The following ADA variants were observed in gnomAD, a reference collection of about 807,000 sequenced individuals.
The protein encoded by ADA is adenosine aminohydrolase.
In ADA, 45 loss-of-function variants were observed where a neutral mutation model predicts 49.0. That is an observed-to-expected ratio of 0.92 (90% CI 0.72 to 1.18). The LOEUF is 1.18. Among genes scored for constraint, ADA ranks in the 50% most tolerant of loss-of-function variants. The probability of loss-of-function intolerance (pLI) is 0.00; values close to 1 mark genes in which losing one functional copy is unlikely to be tolerated. For missense variants in ADA, 445 were observed against 472.5 expected (o/e 0.94, Z 0.54); for synonymous variants, 173 against 184.2 (o/e 0.94, Z 0.49).
At chr20:44,640,345 C>T (rs1024964396) in intron 1 of ADA, among the ~76,000 whole-genome samples, 2 of 150,994 alleles carry the variant, frequency 1.3e-5, no homozygotes, top group Admixed American at 6.6e-5. Context: ...ACCTGGGAGG[C>T]GGAGGTTGCA....
chr20:44,636,110 G>T (rs146042949), intron 2 of ADA, 117 bp downstream of exon 2: 7 of 1,007,714 alleles, frequency 6.9e-6, no homozygotes, highest in Non-Finnish European at 1.1e-5. Flanking sequence ...GAGCTGGCTT[G>T]ATTCCCACAG....
chr20:44,634,967 C>T lies in ADA; in HGVS notation c.95+1260G>A, dbSNP rs143544287. Among the ~76,000 whole-genome samples, 3 of 152,372 alleles carry T rather than the reference C, an allele frequency of 2.0e-5. No individual in the cohort carries two copies. The East Asian group carries it at 5.8e-4, about 29-fold the overall frequency. On this transcript the variant is annotated intron_variant, in intron 2 of 11. Coordinates refer to ENST00000372874, the MANE Select transcript of ADA (RefSeq NM_000022.4). ...GTGTTGTGCAAACATCCGAGGAACA[C>T]AGGTCTGCGGGGGCAGGGCTGGGTG...
intron 5 of ADA, 72 bp from the exon 6 acceptor site, chr20:44,624,401 G>T: frequency 6.2e-7 from 1 of 1,602,906 alleles, no homozygotes; most frequent in Admixed American, 1.7e-5. Flanking sequence ...CCTGCCTGCT[G>T]TCCCACCCAA....
At position 44,629,037 on chromosome 20, in the gene ADA, G is replaced by A. The variant is rs372418784; in HGVS notation, c.218+10C>T. On this transcript the variant is annotated intron_variant, in intron 3 of 11. Transcript: ENST00000372874. Reference sequence around the variant, plus strand: ...GCTGCCCTAGGACCTGTGGGTTGGGGGCAACTCACGCGATAGCAGGCATGT... The same window carrying A: ...GCTGCCCTAGGACCTGTGGGTTGGGAGCAACTCACGCGATAGCAGGCATGT... 3.1e-6 allele frequency: 5 copies of A among 1,614,024 alleles called. No homozygotes were observed. Among genetic ancestry groups the A allele is most frequent in the Non-Finnish European group, 4.2e-6 (5 of 1,180,038 alleles).
At chr20:44,644,525 C>T (rs946783476) in intron 1 of ADA, among the ~76,000 whole-genome samples, 1 of 152,204 alleles carries the variant, frequency 6.6e-6, no homozygotes, top group Non-Finnish European at 1.5e-5. Flanking sequence ...ACCTGAGCAC[C>T]GTGGCCAGAA....
chr20:44,643,882 C>T (rs1038336946), intron 1 of ADA, among the ~76,000 whole-genome samples: 4 of 152,086 alleles, frequency 2.6e-5, no homozygotes, highest in South Asian at 4.1e-4. Flanking sequence ...TGGAGGCCCT[C>T]GGGAAATGCA....
At chr20:44,641,586 A>G (rs1190444732) in intron 1 of ADA, among the ~76,000 whole-genome samples, 1 of 151,956 alleles carries the variant, frequency 6.6e-6, no homozygotes, top group African/African-American at 2.4e-5. Context: ...GGTTACTGGG[A>G]AGGTAGGAGG....
intron 11 of ADA, 78 bp downstream of exon 11, chr20:44,620,221 A>G: frequency 8.0e-7 from 1 of 1,255,854 alleles, no homozygotes; most frequent in South Asian, 1.2e-5. Flanking sequence ...ATGGAAGGGC[A>G]TCTTGCTAGA....
At chr20:44,649,716 C>T (rs1400151520) in intron 1 of ADA, among the ~76,000 whole-genome samples, 2 of 147,878 alleles carry the variant, frequency 1.4e-5, no homozygotes, top group Non-Finnish European at 3.0e-5. Flanking sequence ...CCAACATGTT[C>T]GCAATCAAGG....
At chr20:44,633,511 CTGAG>C (rs997850860) in intron 2 of ADA, among the ~76,000 whole-genome samples, 6 of 152,160 alleles carry the variant, frequency 3.9e-5, no homozygotes, top group African/African-American at 1.4e-4. Context: ...GGCTTTGACT[CTGAG>C]TGAGATGGGG....
intron 6 of ADA, among the ~76,000 whole-genome samples, chr20:44,623,464 A>C (rs867065137): frequency 1.3e-5 from 2 of 152,194 alleles, no homozygotes; most frequent in Non-Finnish European, 1.5e-5. Context: ...TGCACCCTCC[A>C]CAGGAGGCCC....
At chr20:44,632,824 C>G (rs1257407106) in intron 2 of ADA, among the ~76,000 whole-genome samples, 1 of 152,242 alleles carries the variant, frequency 6.6e-6, no homozygotes, top group East Asian at 1.9e-4. Flanking sequence ...TCTCAAGTAG[C>G]TGGGATTATA....
chr20:44,623,511 G>A (rs913055082), intron 6 of ADA, among the ~76,000 whole-genome samples: 5 of 152,102 alleles, frequency 3.3e-5, no homozygotes, highest in East Asian at 1.9e-4. Flanking sequence ...TTGAGATGTC[G>A]GCTCCAACTC....
chr20:44,619,890 A>G, intron 11 of ADA, 43 bp from the exon 12 acceptor site: 1 of 1,613,796 alleles, frequency 6.2e-7, no homozygotes, highest in South Asian at 1.1e-5. Context: ...GGCAACTTGT[A>G]GTACCCAGGA....
chr20:44,620,799 T>C (rs1238653131), intron 10 of ADA: 3 of 630,354 alleles, frequency 4.8e-6, no homozygotes, highest in Non-Finnish European at 8.4e-6. Context: ...CTGGATTCTT[T>C]AAAGGCACTC....
In ADA at chr20:44,622,813, TC is replaced by T. The variant is rs1192322344; in HGVS notation, c.780+15del. 2 of 1,614,070 alleles carry T rather than the reference TC, an allele frequency of 1.2e-6. No individual in the cohort carries two copies. The highest frequency in any genetic ancestry group is 8.5e-7 in the Non-Finnish European group (1 of 1,180,034). On this transcript the variant is annotated intron_variant, in intron 8 of 11. Coordinates refer to ENST00000372874, the MANE Select transcript of ADA (RefSeq NM_000022.4). ...ACAGCCGGGGATGGTTCCTCCCCAC[TC>T]CCTGGCCCGCTTACCTCGAAGTGCA...
At position 44,619,582 on chromosome 20, in the gene ADA, A is replaced by G; in HGVS notation, c.*252T>C. 2.0e-6 allele frequency: 1 copy of G among 504,052 alleles called. No individual in the cohort carries two copies. Among genetic ancestry groups the G allele is most frequent in the Non-Finnish European group, 3.6e-6 (1 of 277,248 alleles). 31.2% of individuals were successfully genotyped at this position (504,052 alleles called of 1,614,324 possible). ...CCAGATTTTCAGTACAAGTTGCCAC[A>G]GAAGGAGGGTTTCAGATTCAACCAT... On this transcript the variant is annotated 3_prime_UTR_variant, in exon 12 of 12. Transcript: ENST00000372874.
intron 10 of ADA, 57 bp downstream of exon 10, chr20:44,620,961 T>C: frequency 6.2e-7 from 1 of 1,611,434 alleles, no homozygotes; most frequent in East Asian, 2.2e-5. Context: ...GGACTGGACC[T>C]GTAGATACCA....
chr20:44,643,766 C>T (rs533222791), intron 1 of ADA, among the ~76,000 whole-genome samples: 1 of 152,310 alleles, frequency 6.6e-6, no homozygotes, highest in South Asian at 2.1e-4. Context: ...ACAGCCAGCC[C>T]AGCATTTGTC....
Sources: allele counts gnomAD v4.1 joint callset (sites outside exome capture counted in the v4.1 genomes callset), GRCh38; gene constraint gnomAD v4.1.1; transcripts MANE v1.5; gene names NCBI Gene and HGNC (gene_info 2026-07-23, HGNC 2026-07-21).